Variants in LINGO2 observed in about 807,000 individuals in gnomAD.
LINGO2 encodes leucine-rich repeat and immunoglobulin-like domain-containing nogo receptor-interacting protein 2.
A neutral mutation model predicts 30.6 loss-of-function variants in LINGO2; 14 were observed. The ratio of observed to expected loss-of-function variants is 0.46; its 90% confidence interval spans 0.30 to 0.72. The LOEUF is 0.72. Ranked by LOEUF, LINGO2 falls within the 30% of genes least tolerant of loss-of-function variation. The probability of loss-of-function intolerance (pLI) is 0.07; values close to 1 mark genes in which losing one functional copy is unlikely to be tolerated. For synonymous variants in LINGO2, 317 were observed against 288.5 expected (o/e 1.10, Z -1.00); for missense variants, 729 against 751.7 (o/e 0.97, Z 0.35).
intron 1 of LINGO2, among the ~76,000 whole-genome samples, chr9:28,524,555 C>G (rs186758270): frequency 3.9e-5 from 6 of 152,122 alleles, no homozygotes; most frequent in Non-Finnish European, 8.8e-5. Flanking sequence ...GAGTTCAAGA[C>G]CAGTCTGGCC....
chr9:28,434,084 T>C (rs1823812937), intron 2 of LINGO2, among the ~76,000 whole-genome samples: 1 of 151,488 alleles, frequency 6.6e-6, no homozygotes, highest in Non-Finnish European at 1.5e-5. Context: ...TTATTCTAAG[T>C]GAAGTAATTC....
chr9:29,052,045 A>C, the LINGO2 span, among the ~76,000 whole-genome samples: 1 of 152,180 alleles, frequency 6.6e-6, no homozygotes, highest in Non-Finnish European at 1.5e-5. Flanking sequence ...GACAAACCTC[A>C]ACCCACAAAA....
In LINGO2 at chr9:28,525,778, G is replaced by T. The variant is rs150472066; in HGVS notation, c.-364-49753C>A. ...TTTTTTAAAACGCCATTGAAGGGCC[G>T]GGCGCAGTGGCTCACGCCTGTAATC... On this transcript the variant is annotated intron_variant, in intron 1 of 5. Coordinates refer to ENST00000379992, the Ensembl canonical transcript of LINGO2. Among the ~76,000 whole-genome samples, 1,046 of 152,146 alleles carry T rather than the reference G, an allele frequency of 6.9e-3. 10 individuals carry two copies. Among genetic ancestry groups the T allele is most frequent in the African/African-American group, 0.024 (1,013 of 41,504 alleles).
intron 1 of LINGO2, among the ~76,000 whole-genome samples, chr9:28,650,501 C>G (rs1050884380): frequency 6.6e-6 from 1 of 152,102 alleles, no homozygotes; most frequent in Non-Finnish European, 1.5e-5. Context: ...CAGATGAGGT[C>G]GCCTTTTCCT....
chr9:28,400,924 A>G (rs1041251133), intron 2 of LINGO2, among the ~76,000 whole-genome samples: 2 of 152,176 alleles, frequency 1.3e-5, no homozygotes, highest in African/African-American at 4.8e-5. Context: ...ATGTTCTGCA[A>G]AAGTCTGAAC....
intron 3 of LINGO2, among the ~76,000 whole-genome samples, chr9:28,362,478 T>C (rs1820488593): frequency 6.6e-6 from 1 of 152,118 alleles, no homozygotes; most frequent in Non-Finnish European, 1.5e-5. Context: ...TTTTTTTTTT[T>C]TCTTTTTTTG....
chr9:28,043,613 A>T lies in LINGO2; in HGVS notation c.-86-31208T>A, dbSNP rs184092647. Among the ~76,000 whole-genome samples, 514 of 152,290 alleles carry T rather than the reference A, an allele frequency of 3.4e-3. 5 individuals carry two copies. The highest frequency in any genetic ancestry group is 0.014 in the Middle Eastern group (4 of 294). On this transcript the variant is annotated intron_variant, in intron 4 of 5. Transcript: ENST00000379992. The stretch of plus-strand genomic sequence containing the variant: ...AACTTTTCTTTATGGAAAGTTTCAA[A>T]CATATACAAAACTATGAAAGAATTA...
intron 3 of LINGO2, among the ~76,000 whole-genome samples, chr9:28,335,662 C>T (rs978066521): frequency 3.3e-5 from 5 of 152,072 alleles, no homozygotes; most frequent in African/African-American, 1.2e-4. Context: ...CATATGCCAA[C>T]AGTCAGTAAG....
chr9:28,431,960 G>C (rs1223787790), intron 2 of LINGO2, among the ~76,000 whole-genome samples: 1 of 151,940 alleles, frequency 6.6e-6, no homozygotes, highest in Non-Finnish European at 1.5e-5. Flanking sequence ...TAAATACGTA[G>C]GTGATGGGAA....
chr9:28,653,516 A>G (rs1184273313), intron 1 of LINGO2, among the ~76,000 whole-genome samples: 1 of 152,132 alleles, frequency 6.6e-6, no homozygotes, highest in Non-Finnish European at 1.5e-5. Flanking sequence ...CATCTCCATC[A>G]CAGGATACAA....
At chr9:29,107,715 T>G in the LINGO2 span, among the ~76,000 whole-genome samples, 2 of 152,122 alleles carry the variant, frequency 1.3e-5, no homozygotes, top group African/African-American at 4.8e-5. Flanking sequence ...TTTGTTCCTT[T>G]GGCAATCTTC....
intron 4 of LINGO2, among the ~76,000 whole-genome samples, chr9:28,228,967 C>A (rs1452747887): frequency 6.6e-6 from 1 of 151,614 alleles, no homozygotes; most frequent in African/African-American, 2.4e-5. Context: ...CCCATAATTT[C>A]TAGAATGCCA....
chr9:28,118,265 G>T (rs750733297), intron 4 of LINGO2, among the ~76,000 whole-genome samples: 11 of 152,154 alleles, frequency 7.2e-5, no homozygotes, highest in Non-Finnish European at 1.5e-4. Flanking sequence ...AGAGAATGCA[G>T]GAGTGTGTGA....
chr9:29,059,254 T>G, the LINGO2 span, among the ~76,000 whole-genome samples: 1 of 151,716 alleles, frequency 6.6e-6, no homozygotes, highest in Non-Finnish European at 1.5e-5. Context: ...GCAGGCTTTT[T>G]TAAAAATAGA....
intron 4 of LINGO2, among the ~76,000 whole-genome samples, chr9:28,178,260 G>C (rs2133695932): frequency 6.6e-6 from 1 of 152,278 alleles, no homozygotes; most frequent in East Asian, 1.9e-4. Flanking sequence ...TTGTGACTTA[G>C]AGACGGTAGC....
the LINGO2 span, among the ~76,000 whole-genome samples, chr9:29,125,731 A>G: frequency 6.6e-6 from 1 of 152,222 alleles, no homozygotes; most frequent in East Asian, 1.9e-4. Flanking sequence ...TGGAAGACTA[A>G]ATGAATGTAG....
the LINGO2 span, among the ~76,000 whole-genome samples, chr9:29,135,601 C>CAATGGAAG: frequency 6.6e-6 from 1 of 151,556 alleles, no homozygotes; most frequent in African/African-American, 2.4e-5. Flanking sequence ...AAACAGATTC[C>CAATGGAAG]AATGGAAGTG....
At chr9:29,081,983 C>T in the LINGO2 span, among the ~76,000 whole-genome samples, 3 of 152,092 alleles carry the variant, frequency 2.0e-5, no homozygotes, top group Non-Finnish European at 2.9e-5. Context: ...GAAACAATAT[C>T]GTGAAAATGG....
intron 2 of LINGO2, among the ~76,000 whole-genome samples, chr9:28,426,476 A>G (rs1823418431): frequency 6.6e-6 from 1 of 152,138 alleles, no homozygotes; most frequent in Admixed American, 6.6e-5. Flanking sequence ...AAAGGATGAA[A>G]TGAATTTTGC....
Sources: allele counts gnomAD v4.1 joint callset (sites outside exome capture counted in the v4.1 genomes callset), GRCh38; gene constraint gnomAD v4.1.1; transcripts MANE v1.5; gene names NCBI Gene and HGNC (gene_info 2026-07-23, HGNC 2026-07-21).